The following NDE1 variants were observed in gnomAD, a reference collection of about 807,000 sequenced individuals.
NDE1 encodes the protein nudE neurodevelopment protein 1.
NDE1 carries 28 observed loss-of-function variants against 43.4 expected under a neutral mutation model. That is an observed-to-expected ratio of 0.65 (90% confidence interval 0.48 to 0.89). NDE1 has a LOEUF of 0.89. Among genes scored for constraint, NDE1 ranks in the 40% least tolerant of loss-of-function variants. The probability of loss-of-function intolerance (pLI) is 0.00; values close to 1 mark genes in which losing one functional copy is unlikely to be tolerated. For missense variants in NDE1, 441 were observed against 434.1 expected (o/e 1.02, Z -0.14); for synonymous variants, 184 against 172.0 (o/e 1.07, Z -0.55).
intron 4 of NDE1, among the ~76,000 whole-genome samples, chr16:15,683,995 C>G (rs2038309247): frequency 6.6e-6 from 1 of 152,174 alleles, no homozygotes; most frequent in Non-Finnish European, 1.5e-5. Context: ...CTTTGGGAGG[C>G]TGAGGTGGGC....
chr16:15,660,794 C>T (rs2037004840), intron 1 of NDE1, among the ~76,000 whole-genome samples: 3 of 152,102 alleles, frequency 2.0e-5, no homozygotes, highest in Admixed American at 1.3e-4. Context: ...GAATGTTTCC[C>T]TTTTTTCCCT....
rs886051757 is a variant in NDE1 at position 15,726,281 on chromosome 16, T to C, written c.*2030T>C. 3 of 156,300 alleles carry C rather than the reference T, an allele frequency of 1.9e-5. No individual in the cohort carries two copies. Among genetic ancestry groups the C allele is most frequent in the Non-Finnish European group, 4.2e-5 (3 of 70,716 alleles). 9.7% of individuals were successfully genotyped at this position (156,300 alleles called of 1,614,324 possible). On this transcript the variant is annotated 3_prime_UTR_variant, in exon 9 of 9. Coordinates refer to ENST00000396354, the MANE Select transcript of NDE1 (RefSeq NM_017668.3). Reference sequence around the variant, plus strand: ...AGCGACAGTGTCTCTTCTTCCTTGCTGTTGGATCTCAGGATTAAGCACAGT... The same window carrying C: ...AGCGACAGTGTCTCTTCTTCCTTGCCGTTGGATCTCAGGATTAAGCACAGT...
chr16:15,725,550 A>AC lies in NDE1; in HGVS notation c.*1299_*1300insC, dbSNP rs1555553615. On this transcript the variant is annotated 3_prime_UTR_variant, in exon 9 of 9. Coordinates refer to ENST00000396354, the MANE Select transcript of NDE1 (RefSeq NM_017668.3). ...GGCTTTTACTCCCTAGTGTCTCTGC[A>AC]TAAGTCCCTTTGAGGCTGTTAGCCT... 11 of 411,292 alleles carry AC rather than the reference A, an allele frequency of 2.7e-5. No homozygotes were observed. The highest frequency in any genetic ancestry group is 4.7e-5 in the Non-Finnish European group (11 of 232,784). 25.5% of individuals were successfully genotyped at this position (411,292 alleles called of 1,614,324 possible). A position where few individuals can be genotyped will look rare whatever the true frequency, so the allele number is the denominator to read the frequency against.
At position 15,667,298 on chromosome 16, in the gene NDE1, G is replaced by T. The variant is rs377636369; in HGVS notation, c.96G>T (p.Thr32=). Residue 32 remains threonine, a synonymous_variant, in exon 3 of 9, where the codon ACG becomes ACT. Coordinates refer to ENST00000396354, the MANE Select transcript of NDE1 (RefSeq NM_017668.3). ...AMTYKQRAEN[T]QEELREFQEG... is the part of the protein sequence containing the mutation. ...AATTTTGCTGTAGGGCAGAAAATAC[G>T]CAAGAGGAACTCCGAGAATTCCAGG... is the stretch of plus-strand genomic sequence containing the variant. 9 of 1,614,116 alleles carry T rather than the reference G, an allele frequency of 5.6e-6. No individual in the cohort carries two copies. The highest frequency in any genetic ancestry group is 1.3e-5 in the African/African-American group (1 of 75,024).
Position 15,667,627 on chromosome 16 carries a change from G to GTTTTTTT in NDE1, c.237+192_237+193insTTTTTTT, listed in dbSNP as rs1177615503. Among the ~76,000 whole-genome samples, 25 of 113,134 alleles carry GTTTTTTT rather than the reference G, an allele frequency of 2.2e-4. 1 individual carries two copies. The highest frequency in any genetic ancestry group is 3.2e-4 in the African/African-American group (9 of 27,706). The allele number at this position is 113,134 out of a possible 152,430, so 74.2% of individuals were successfully genotyped here. A position where few individuals can be genotyped will look rare whatever the true frequency, so the allele number is the denominator to read the frequency against. ...GTGCCTCTAGTGGGTGGTGCTTTTT[G>GTTTTTTT]TTTTGTTTTTTTTTTTTTTTTGAGA... On this transcript the variant is annotated intron_variant, in intron 3 of 8. Coordinates refer to ENST00000396354, the MANE Select transcript of NDE1 (RefSeq NM_017668.3).
chr16:15,664,967 TG>T, intron 2 of NDE1, 106 bp downstream of exon 2: 1 of 851,420 alleles, frequency 1.2e-6, no homozygotes, highest in Non-Finnish European at 1.9e-6. Flanking sequence ...GTGATCATAG[TG>T]CACAGCCGCC....
intron 7 of NDE1, chr16:15,695,353 C>G: frequency 6.1e-6 from 2 of 329,316 alleles, no homozygotes; most frequent in Non-Finnish European, 8.7e-6. Flanking sequence ...ACTAAAAATA[C>G]AAAAATTAGC....
chr16:15,715,125 G>GGGCTGGGGGCTCGAGGGA, intron 8 of NDE1: 1 of 1,612,466 alleles, frequency 6.2e-7, no homozygotes, highest in Admixed American at 1.7e-5. Context: ...GGCCGGCTGG[G>GGGCTGGGGGCTCGAGGGA]GGCTGGGGGC....
At chr16:15,720,000 A>G in intron 8 of NDE1, 1 of 1,160,386 alleles carries the variant, frequency 8.6e-7, no homozygotes. Flanking sequence ...GACAGCCACC[A>G]AATCCTGAAT....
At chr16:15,694,511 G>A in intron 7 of NDE1, 1 of 1,206,776 alleles carries the variant, frequency 8.3e-7, no homozygotes, top group Non-Finnish European at 1.1e-6. Context: ...ATGCCTGGCT[G>A]ATACTTTCAT....
At chr16:15,693,003 C>CTTT (rs570029318) in intron 6 of NDE1, among the ~76,000 whole-genome samples, 53 of 130,916 alleles carry the variant, frequency 4.0e-4, no homozygotes, top group African/African-American at 1.4e-3. Flanking sequence ...TTCTTTCTCT[C>CTTT]TTTTTTTTTT....
intron 5 of NDE1, among the ~76,000 whole-genome samples, chr16:15,690,320 G>C (rs1430158679): frequency 7.4e-6 from 1 of 135,048 alleles, no homozygotes; most frequent in Non-Finnish European, 1.6e-5. Flanking sequence ...TTATAGGCTT[G>C]AGCCAGTGCA....
intron 7 of NDE1, among the ~76,000 whole-genome samples, chr16:15,696,253 T>A (rs1319312087): frequency 6.6e-6 from 1 of 151,764 alleles, no homozygotes; most frequent in Non-Finnish European, 1.5e-5. Context: ...CGGATGCCTA[T>A]AATTCCAGCT....
rs2036717758 is a variant in NDE1, at chr16:15,655,533, A to C, written c.-44+5239A>C. Among the ~76,000 whole-genome samples, 5 of 152,290 alleles carry C rather than the reference A, an allele frequency of 3.3e-5. No individual in the cohort carries two copies. The South Asian group carries it at 1.0e-3, about 32-fold the overall frequency. ...GGAACACTTTTACACTGTTGGTGGG[A>C]CTGTAAACTAGTTCAACCATTGTAG... On this transcript the variant is annotated intron_variant, in intron 1 of 8. Transcript: ENST00000396354.
chr16:15,646,366 CAGG>C (rs1405318696), upstream of NDE1, among the ~76,000 whole-genome samples: 1 of 152,116 alleles, frequency 6.6e-6, no homozygotes, highest in Non-Finnish European at 1.5e-5. Flanking sequence ...CACTTGAGGT[CAGG>C]AGTTCGAGAC....
chr16:15,653,658 C>T (rs2036609418), intron 1 of NDE1, among the ~76,000 whole-genome samples: 1 of 149,232 alleles, frequency 6.7e-6, no homozygotes, highest in African/African-American at 2.5e-5. Flanking sequence ...GTGTGTGTCT[C>T]GAGTGTATTT....
intron 4 of NDE1, among the ~76,000 whole-genome samples, chr16:15,681,029 C>A (rs1337711219): frequency 6.6e-6 from 1 of 150,792 alleles, no homozygotes; most frequent in Non-Finnish European, 1.5e-5. Context: ...TTTTTAAATA[C>A]CTTCTAGGTT....
chr16:15,643,538 C>A (rs557029026), exon 1 of NDE1: 1 of 358,140 alleles, frequency 2.8e-6, no homozygotes, highest in Non-Finnish European at 5.4e-6. Context: ...GCGATTTGAA[C>A]GGGATTTCAA....
chr16:15,686,871 T>G, intron 4 of NDE1: 1 of 583,038 alleles, frequency 1.7e-6, no homozygotes, highest in Non-Finnish European at 2.2e-6. Flanking sequence ...GTATTTCTAG[T>G]AGAGACAGGA....
Sources: gnomAD v4.1 joint callset for allele counts (sites outside exome capture counted in the v4.1 genomes callset) on GRCh38, gnomAD v4.1.1 for gene constraint, MANE v1.5 for transcripts, NCBI Gene and HGNC (gene_info 2026-07-23, HGNC 2026-07-21) for gene names.